Variants in TIAM2 observed in about 807,000 individuals in gnomAD.
The protein encoded by TIAM2 is rho guanine nucleotide exchange factor TIAM2.
Under a neutral mutation model 152.9 loss-of-function variants are expected in TIAM2, and 80 were observed. The observed-to-expected ratio is 0.52, with a 90% CI of 0.44 to 0.63. The LOEUF (loss-of-function observed/expected upper bound fraction) is 0.63, where lower values mean the gene tolerates loss of function less well. Among genes scored for constraint, TIAM2 ranks in the 30% least tolerant of loss-of-function variants. TIAM2 has a pLI of 0.00. For synonymous variants in TIAM2, 804 were observed against 838.0 expected, an observed-to-expected ratio of 0.96 and a Z score of 0.70; for missense variants, 1,965 against 2,120.1, an observed-to-expected ratio of 0.93 and a Z score of 1.44.
chr6:155,232,997 C>A (rs564336939), intron 15 of TIAM2: 5 of 152,288 alleles, frequency 3.3e-5, no homozygotes, highest in Admixed American at 2.6e-4. Flanking sequence ...CCAAGCAACA[C>A]AAACAGGTGC....
intron 1 of TIAM2, among the ~76,000 whole-genome samples, chr6:155,015,204 A>G (rs1307777091): frequency 1.3e-5 from 2 of 152,128 alleles, no homozygotes; most frequent in Non-Finnish European, 2.9e-5. Context: ...GGAGGGGTAA[A>G]AAATGACACT....
intron 14 of TIAM2, among the ~76,000 whole-genome samples, chr6:155,192,150 A>T (rs1434259766): frequency 6.6e-6 from 1 of 152,130 alleles, no homozygotes; most frequent in Non-Finnish European, 1.5e-5. Context: ...CAAGGAATGC[A>T]GGCAGCCTCT....
intron 2 of TIAM2, among the ~76,000 whole-genome samples, chr6:155,122,976 T>C (rs973021123): frequency 6.6e-6 from 1 of 151,744 alleles, no homozygotes; most frequent in Admixed American, 6.6e-5. Context: ...AGTAAAGGAG[T>C]CAGGGGGCCA....
intron 1 of TIAM2, among the ~76,000 whole-genome samples, chr6:155,055,262 A>G (rs1406206799): frequency 6.6e-6 from 1 of 152,214 alleles, no homozygotes; most frequent in Non-Finnish European, 1.5e-5. Flanking sequence ...CCATACTATA[A>G]CAGCAGTTTA....
At chr6:155,141,023 A>G (rs1005542345) in intron 5 of TIAM2, among the ~76,000 whole-genome samples, 2 of 152,204 alleles carry the variant, frequency 1.3e-5, no homozygotes, top group Non-Finnish European at 2.9e-5. Flanking sequence ...AAGGTAGACC[A>G]GGAACTTCTG....
At chr6:155,215,968 C>T (rs903679584) in intron 15 of TIAM2, among the ~76,000 whole-genome samples, 3 of 151,876 alleles carry the variant, frequency 2.0e-5, no homozygotes, top group South Asian at 2.1e-4. Flanking sequence ...CCACCATGCC[C>T]GGATAATTTT....
At chr6:155,252,830 C>A in intron 23 of TIAM2, 118 bp from the exon 24 acceptor site, 2 of 853,690 alleles carry the variant, frequency 2.3e-6, no homozygotes, top group Non-Finnish European at 3.7e-6. Context: ...CCTGAACACC[C>A]ACATGGCTGC....
intron 2 of TIAM2, among the ~76,000 whole-genome samples, chr6:155,097,825 A>C (rs1778451353): frequency 6.6e-6 from 1 of 152,034 alleles, no homozygotes; most frequent in Non-Finnish European, 1.5e-5. Flanking sequence ...TTTTGACTTG[A>C]TTTATTGTGT....
Position 155,182,439 on chromosome 6 carries a change from A to G in TIAM2, c.2800+121A>G, listed in dbSNP as rs559321900. On this transcript the variant is annotated intron_variant, in intron 13 of 26. Coordinates refer to ENST00000682666, the MANE Select transcript of TIAM2 (RefSeq NM_012454.4). The stretch of plus-strand genomic sequence containing the variant: ...AAAGGTTGCTCCTGGAATTTTAAAG[A>G]AAGTAAACGTAAGAGTTTAATTGGA... The G allele has an allele frequency of 4.6e-6, 4 of 865,614 alleles. No homozygotes were observed. The East Asian group carries it at 1.0e-4, about 22-fold the overall frequency. 53.6% of individuals were successfully genotyped at this position (865,614 alleles called of 1,614,324 possible).
At chr6:155,148,067 G>A (rs775958538) in intron 6 of TIAM2, 43 bp from the exon 7 acceptor site, 4 of 1,601,412 alleles carry the variant, frequency 2.5e-6, no homozygotes, top group Admixed American at 3.3e-5. Flanking sequence ...GCACTTTAGT[G>A]GTAAAATGAT....
At chr6:155,046,146 G>C (rs1777169401) in intron 1 of TIAM2, among the ~76,000 whole-genome samples, 1 of 151,940 alleles carries the variant, frequency 6.6e-6, no homozygotes, top group Non-Finnish European at 1.5e-5. Flanking sequence ...TTTTCCCTGT[G>C]TCTTTGCTGT....
intron 2 of TIAM2, among the ~76,000 whole-genome samples, chr6:155,095,612 G>A (rs570942695): frequency 6.6e-6 from 1 of 152,298 alleles, no homozygotes; most frequent in Non-Finnish European, 1.5e-5. Flanking sequence ...AGGTAAATGA[G>A]AGTGGCCCCA....
At chr6:155,025,895 GA>G (rs1182216812) in intron 1 of TIAM2, among the ~76,000 whole-genome samples, 1 of 146,902 alleles carries the variant, frequency 6.8e-6, no homozygotes, top group Non-Finnish European at 1.5e-5. Context: ...AGAAGGGAAG[GA>G]AACATTTGGA....
chr6:155,111,485 GA>G (rs1341457977), intron 2 of TIAM2, among the ~76,000 whole-genome samples: 1 of 152,074 alleles, frequency 6.6e-6, no homozygotes, highest in Admixed American at 6.5e-5. Context: ...GTCACAGTGG[GA>G]AAAAAATAGA....
chr6:155,218,992 A>G lies in TIAM2; in HGVS notation c.3168+7685A>G, dbSNP rs1347982664. Among the ~76,000 whole-genome samples, 1 of 58,428 alleles carries G rather than the reference A, an allele frequency of 1.7e-5. No homozygotes were observed. The highest frequency in any genetic ancestry group is 3.5e-5 in the Non-Finnish European group (1 of 28,454). 38.3% of individuals were successfully genotyped at this position (58,428 alleles called of 152,430 possible). On this transcript the variant is annotated intron_variant, in intron 15 of 26. Transcript: ENST00000682666. The surrounding 1 kb of genome is among the most constrained non-coding windows in gnomAD (Gnocchi z 4.5). ...CAGCCGCCCACCCGTGTTCTTGACC[A>G]TCTCAGCCGTGTTCTTGACCATCTC...
At chr6:155,035,134 T>C (rs1776898219) in intron 1 of TIAM2, among the ~76,000 whole-genome samples, 1 of 152,190 alleles carries the variant, frequency 6.6e-6, no homozygotes, top group South Asian at 2.1e-4. Context: ...GATCCACGTA[T>C]GCACTGATTC....
At chr6:155,105,308 G>A (rs1006890259) in intron 2 of TIAM2, among the ~76,000 whole-genome samples, 7 of 152,030 alleles carry the variant, frequency 4.6e-5, no homozygotes, top group Non-Finnish European at 8.8e-5. Flanking sequence ...ATGCCACCAC[G>A]CCCAGCTAAT....
rs1781768711 is a variant in TIAM2 at position 155,213,389 on chromosome 6, A to G, written c.3168+2082A>G. Among the ~76,000 whole-genome samples the G allele has an allele frequency of 6.6e-6, 1 of 152,100 alleles. No homozygotes were observed. Among genetic ancestry groups the G allele is most frequent in the African/African-American group, 2.4e-5 (1 of 41,424 alleles). ...TGGGTAGCTCCTCTCCACAGCTGGT[A>G]GTACTAATGTCTGCTTAGCTTTAAG... is the stretch of plus-strand genomic sequence containing the variant. On this transcript the variant is annotated intron_variant, in intron 15 of 26. Coordinates refer to ENST00000682666, the MANE Select transcript of TIAM2 (RefSeq NM_012454.4). This position sits in a 1 kb window ranked among gnomAD's most constrained non-coding sequence, Gnocchi z 4.2.
chr6:155,148,805 C>T (rs1779879374), intron 7 of TIAM2, among the ~76,000 whole-genome samples: 1 of 152,138 alleles, frequency 6.6e-6, no homozygotes, highest in Non-Finnish European at 1.5e-5. Context: ...AAGCACGTAA[C>T]GAAATGCTTT....
Sources: allele counts gnomAD v4.1 joint callset (sites outside exome capture counted in the v4.1 genomes callset), GRCh38; gene constraint gnomAD v4.1.1; non-coding constraint Gnocchi (gnomAD v3.1); transcripts MANE v1.5; gene names NCBI Gene and HGNC (gene_info 2026-07-23, HGNC 2026-07-21).